Variants in ITGB2 observed in about 807,000 individuals in gnomAD.
ITGB2 encodes the protein integrin beta-2.
A neutral mutation model predicts 86.8 loss-of-function variants in ITGB2; 56 were observed. The ratio of observed to expected loss-of-function variants is 0.65; its 90% CI spans 0.52 to 0.81. ITGB2 has a LOEUF of 0.81. ITGB2 is among the 30% of genes least tolerant of loss of function. The pLI is 0.00. For synonymous variants in ITGB2, 457 were observed against 450.4 expected (o/e 1.01, Z -0.19); for missense variants, 948 against 1,061.2 (o/e 0.89, Z 1.48).
chr21:44,885,959 T>C lies in ITGB2; in HGVS notation c.*409A>G. 6.9e-6 allele frequency: 2 copies of C among 289,954 alleles called. No homozygotes were observed. The highest frequency in any genetic ancestry group is 1.3e-5 in the Non-Finnish European group (2 of 148,494). 18.0% of individuals were successfully genotyped at this position (289,954 alleles called of 1,614,324 possible). On this transcript the variant is annotated 3_prime_UTR_variant, in exon 16 of 16. Transcript: ENST00000652462. The stretch of plus-strand genomic sequence containing the variant: ...CAGCGGACACAGTGCCCAGTTTCCA[T>C]GGACAGCCTGTATTGAAGTTTTATT...
rs763668505 is a variant in ITGB2, at chr21:44,908,213, G to A, written c.148-1118C>T. 5.7e-6 allele frequency: 4 copies of A among 696,606 alleles called. No individual in the cohort carries two copies. In the East Asian group the frequency reaches 1.0e-4, roughly 18 times the overall value. The allele number at this position is 696,606 out of a possible 1,614,324, so 43.2% of individuals were successfully genotyped here. ...GGACGCAAAATTGAGAAATGAGGAAGCTGCTGACGGTAAGGAATGAGACAC... is the reference window on the plus strand; with the variant it reads ...GGACGCAAAATTGAGAAATGAGGAAACTGCTGACGGTAAGGAATGAGACAC... On this transcript the variant is annotated intron_variant, in intron 3 of 15. Transcript: ENST00000652462.
At chr21:44,898,268 C>T (rs58901864) in intron 8 of ITGB2, among the ~76,000 whole-genome samples, 136 of 152,286 alleles carry the variant, frequency 8.9e-4, no homozygotes, top group African/African-American at 2.9e-3. Context: ...CACACATCAT[C>T]GCTGGGAGGA....
chr21:44,895,077 CCAGA>C lies in ITGB2; in HGVS notation c.994-21_994-18del. ...GGTGAGTTTCTGTTGGGCAAGAAGA[CCAGA>C]CATGGCACGGCTAGGACCTGTGCCA... is the stretch of plus-strand genomic sequence containing the variant. On this transcript the variant is annotated intron_variant, in intron 8 of 15. Transcript: ENST00000652462. 2 of 1,590,720 alleles carry C rather than the reference CCAGA, an allele frequency of 1.3e-6. No individual in the cohort carries two copies. The highest frequency in any genetic ancestry group is 1.7e-6 in the Non-Finnish European group (2 of 1,159,602).
chr21:44,925,422 GGGAAGGAA>G (rs71334040), upstream of ITGB2, among the ~76,000 whole-genome samples: 3,023 of 54,528 alleles, frequency 0.055, 84 homozygotes, highest in Non-Finnish European at 0.066. Context: ...GAGGGAGGGA[GGGAAGGAA>G]GGAAGGAAGG....
Position 44,889,466 on chromosome 21 carries a change from G to A in ITGB2, c.1687C>T (p.Arg563Cys), listed in dbSNP as rs777922680. Residue 563 changes from arginine (R) to cysteine (C), a missense_variant, in exon 13 of 16, where the codon CGC becomes TGC. By Grantham distance (180) the Arg-to-Cys change is radical. Transcript: ENST00000652462. The stretch of plus-strand genomic sequence containing the variant: ...GAGCCCTCAAAGCCCGGGTGGCAGC[G>A]GCACTTCCCGCAGAAGCAGAGCCCC... ...GRGLCFCGKCRCHPGFEGSAC... is the reference protein window; with the variant it reads ...GRGLCFCGKCCCHPGFEGSAC... 2.1e-5 allele frequency: 33 copies of A among 1,585,674 alleles called. No individual in the cohort carries two copies. Among genetic ancestry groups the A allele is most frequent in the South Asian group, 5.7e-5 (5 of 88,042 alleles).
chr21:44,914,446 C>T (rs1490282319), intron 1 of ITGB2, among the ~76,000 whole-genome samples: 3 of 152,160 alleles, frequency 2.0e-5, no homozygotes, highest in Non-Finnish European at 2.9e-5. Context: ...AGGGGCCGGG[C>T]GCCCTTCCCT....
chr21:44,886,816 A>C lies in ITGB2; in HGVS notation c.2167T>G (p.Trp723Gly), dbSNP rs1316543085. The change falls in exon 15 of 16, where the codon TGG becomes GGG. Residue 723 changes from tryptophan to glycine, a missense_variant. Trp to Gly is a radical substitution (Grantham distance 184, BLOSUM62 -2). Transcript: ENST00000652462. ...VLIGILLLVI[W>G]KALIHLSDLR... The stretch of plus-strand genomic sequence containing the variant: ...TCGCTCAGGTGGATCAGAGCCTTCC[A>C]GATGACCAGCAGGAGAATGCCGATC... 6.2e-7 allele frequency: 1 copy of C among 1,613,956 alleles called. No homozygotes were observed. Among genetic ancestry groups the C allele is most frequent in the Non-Finnish European group, 8.5e-7 (1 of 1,180,006 alleles).
At chr21:44,899,822 T>C (rs893366567) in intron 7 of ITGB2, among the ~76,000 whole-genome samples, 1 of 152,194 alleles carries the variant, frequency 6.6e-6, no homozygotes, top group East Asian at 1.9e-4. Flanking sequence ...TCCCTGCATG[T>C]TCCTCATGGT....
Position 44,890,011 on chromosome 21 carries a change from C to T in ITGB2, c.1624G>A (p.Glu542Lys). ...CCGCAGACCTGGCCGTTGTAGCGCTCACAGTTGATGGTGTCACACTCGCAG... is the reference window on the plus strand; with the variant it reads ...CCGCAGACCTGGCCGTTGTAGCGCTTACAGTTGATGGTGTCACACTCGCAG... ...QYCECDTINC[E>K]RYNGQVCGGP... The change falls in exon 12 of 16, where the codon GAG (glutamate) becomes AAG (lysine). Residue 542 changes from glutamate to lysine, a missense_variant. By Grantham distance (56) the Glu-to-Lys change is moderately conservative. Coordinates refer to ENST00000652462, the MANE Select transcript of ITGB2 (RefSeq NM_000211.5). 6.2e-7 allele frequency: 1 copy of T among 1,613,426 alleles called. No individual in the cohort carries two copies. The highest frequency in any genetic ancestry group is 8.5e-7 in the Non-Finnish European group (1 of 1,180,022).
chr21:44,902,971 G>T (rs551328267), intron 5 of ITGB2, among the ~76,000 whole-genome samples: 1 of 151,716 alleles, frequency 6.6e-6, no homozygotes, highest in Non-Finnish European at 1.5e-5. Context: ...GGTGTAGAGC[G>T]GAGCCCTTGG....
At chr21:44,886,493 C>A in intron 15 of ITGB2, 63 bp from the exon 16 acceptor site, 1 of 1,542,032 alleles carries the variant, frequency 6.5e-7, no homozygotes, top group Non-Finnish European at 9.0e-7. Context: ...AATCTTTCTC[C>A]CTGAGGACAC....
At chr21:44,925,090 G>C (rs1447731185), upstream of ITGB2, among the ~76,000 whole-genome samples, 2 of 151,856 alleles carry the variant, frequency 1.3e-5, no homozygotes, top group Non-Finnish European at 1.5e-5. Flanking sequence ...TTGGGGATTG[G>C]TACTAGTGCT....
chr21:44,901,577 G>A lies in ITGB2; in HGVS notation c.656C>T (p.Thr219Ile). The change falls in exon 6 of 16, where the codon ACC becomes ATC. Residue 219 changes from threonine to isoleucine, a missense_variant. By Grantham distance (89) the Thr-to-Ile change is moderately conservative (BLOSUM62 -1). Transcript: ENST00000652462. ...KLTNNSNQFQ[T>I]EVGKQLISGN... ...GGAAATCAGCTGCTTCCCGACCTCG[G>A]TCTGAAACTGGTTGGAGTTGTTGGT... 1 of 1,614,264 alleles carries A rather than the reference G, an allele frequency of 6.2e-7. No homozygotes were observed. The highest frequency in any genetic ancestry group is 8.5e-7 in the Non-Finnish European group (1 of 1,180,052).
chr21:44,919,042 T>C (rs2084255910), intron 1 of ITGB2, among the ~76,000 whole-genome samples: 1 of 51,082 alleles, frequency 2.0e-5, no homozygotes, highest in African/African-American at 1.9e-4. Flanking sequence ...TGCTCAGCTG[T>C]TCATTGAGTG....
intron 1 of ITGB2, among the ~76,000 whole-genome samples, chr21:44,918,638 T>C (rs2084246606): frequency 6.6e-6 from 1 of 152,156 alleles, no homozygotes; most frequent in African/African-American, 2.4e-5. Flanking sequence ...TGTGCAGAAC[T>C]TCCTTCATGG....
Position 44,892,492 on chromosome 21 carries a change from C to T in ITGB2, c.1225-496G>A, listed in dbSNP as rs575865921. 8.6e-5 allele frequency among the ~76,000 whole-genome samples: 13 copies of T among 151,680 alleles called. No individual in the cohort carries two copies. In the East Asian group the frequency reaches 9.8e-4, roughly 11 times the overall value. On this transcript the variant is annotated intron_variant, in intron 10 of 15. Coordinates refer to ENST00000652462, the MANE Select transcript of ITGB2 (RefSeq NM_000211.5). ...AAAATTAGCCGAGCGTGGTGGCACACGCCTGTAGTCCCAGCTACTCAGGAG... is the reference window on the plus strand; with the variant it reads ...AAAATTAGCCGAGCGTGGTGGCACATGCCTGTAGTCCCAGCTACTCAGGAG...
intron 3 of ITGB2, among the ~76,000 whole-genome samples, chr21:44,908,400 A>T (rs535757376): frequency 7.3e-4 from 110 of 151,706 alleles, no homozygotes; most frequent in Middle Eastern, 6.8e-3. Flanking sequence ...TAAACTAATA[A>T]TATTATTATT....
chr21:44,886,219 G>GGTGGTC lies in ITGB2; in HGVS notation c.*148_*149insGACCAC. 6 of 775,794 alleles carry GGTGGTC rather than the reference G, an allele frequency of 7.7e-6. No homozygotes were observed. The highest frequency in any genetic ancestry group is 2.0e-5 in the Admixed American group (1 of 50,412). The allele number at this position is 775,794 out of a possible 1,614,324, so 48.1% of individuals were successfully genotyped here. On this transcript the variant is annotated 3_prime_UTR_variant, in exon 16 of 16. Coordinates refer to ENST00000652462, the MANE Select transcript of ITGB2 (RefSeq NM_000211.5). The stretch of plus-strand genomic sequence containing the variant: ...CCCCGACGAGCCCCCAGAAGCACCC[G>GGTGGTC]GCCGGCCATGGCTGTCATTTTGAGG...
intron 5 of ITGB2, 129 bp downstream of exon 5, chr21:44,903,236 G>A (rs576101385): frequency 9.5e-7 from 1 of 1,056,286 alleles, no homozygotes; most frequent in East Asian, 2.5e-5. Flanking sequence ...GATGCCCTGG[G>A]GGGACCTGCA....
Sources: allele counts gnomAD v4.1 joint callset (sites outside exome capture counted in the v4.1 genomes callset), GRCh38; gene constraint gnomAD v4.1.1; transcripts MANE v1.5; gene names NCBI Gene and HGNC (gene_info 2026-07-23, HGNC 2026-07-21).